Variants in TAF4B observed in about 807,000 individuals in gnomAD.
TAF4B encodes TATA-box binding protein associated factor 4b.
Under a neutral mutation model 86.4 loss-of-function variants are expected in TAF4B, and 38 were observed. That is an observed-to-expected ratio of 0.44 (90% CI 0.34 to 0.58). The LOEUF is 0.58. Ranked by LOEUF, TAF4B falls within the 20% of genes least tolerant of loss-of-function variation. TAF4B has a pLI of 0.02. For synonymous variants in TAF4B, 388 were observed against 391.2 expected (o/e 0.99, Z 0.10); for missense variants, 988 against 1,027.6 (o/e 0.96, Z 0.53).
chr18:26,344,787 G>A (rs2144712532), intron 13 of TAF4B, among the ~76,000 whole-genome samples: 1 of 150,666 alleles, frequency 6.6e-6, no homozygotes, highest in African/African-American at 2.4e-5. Context: ...GATAGGATTT[G>A]ACTAGAATGT....
At chr18:26,255,765 T>C (rs1197974588) in intron 1 of TAF4B, 4 of 1,562,254 alleles carry the variant, frequency 2.6e-6, no homozygotes, top group Non-Finnish European at 3.5e-6. Context: ...AGCTGCTTTC[T>C]TATTGCTGCA....
chr18:26,315,095 A>ACTCTCTCTCTCTCTCTCT lies in TAF4B; in HGVS notation c.1833-101_1833-84dup, dbSNP rs58691265. 1.9e-4 allele frequency: 41 copies of ACTCTCTCTCTCTCTCTCT among 220,332 alleles called. 3 individuals are homozygous for ACTCTCTCTCTCTCTCTCT. Among genetic ancestry groups the ACTCTCTCTCTCTCTCTCT allele is most frequent in the East Asian group, 7.6e-4 (8 of 10,524 alleles). The allele number at this position is 220,332 out of a possible 1,614,324, so 13.6% of individuals were successfully genotyped here. On this transcript the variant is annotated intron_variant, in intron 9 of 14. Transcript: ENST00000269142. ...ACCTCTAATTCTTTTGCTCTCTGAA[A>ACTCTCTCTCTCTCTCTCT]CTCTCTCTCTCTCTCTCTCTCTCTC...
intron 6 of TAF4B, 28 bp downstream of exon 6, chr18:26,282,088 T>G: frequency 6.6e-7 from 1 of 1,513,990 alleles, no homozygotes; most frequent in Non-Finnish European, 9.1e-7. Context: ...TTAGAAGAAA[T>G]AATTTGGATT....
In TAF4B at chr18:26,257,842, C is replaced by CATGT. The variant is rs1051472058; in HGVS notation, c.344-7328_344-7327insATGT. ...TTCATTTCTGGCTTTCCTCTGCGTG[C>CATGT]GTGTGTGTGTGTGTGTGTGTGTGTG... On this transcript the variant is annotated intron_variant, in intron 1 of 14. Coordinates refer to ENST00000269142, the MANE Select transcript of TAF4B (RefSeq NM_005640.3). Among the ~76,000 whole-genome samples the CATGT allele has an allele frequency of 3.6e-4, 51 of 141,530 alleles. No individual in the cohort carries two copies. In the South Asian group the frequency reaches 0.012, roughly 34 times the overall value. The allele number at this position is 141,530 out of a possible 152,430, so 92.8% of individuals were successfully genotyped here.
chr18:26,256,222 C>G, intron 1 of TAF4B: 1 of 1,599,078 alleles, frequency 6.3e-7, no homozygotes, highest in Non-Finnish European at 8.6e-7. Context: ...GAAGGAGTCT[C>G]ATGCAATCCA....
intron 9 of TAF4B, among the ~76,000 whole-genome samples, chr18:26,306,374 G>GCTT (rs1372619374): frequency 5.3e-5 from 8 of 152,040 alleles, no homozygotes; most frequent in Non-Finnish European, 1.0e-4. Flanking sequence ...ACATAAAGTA[G>GCTT]CTTCCACAGT....
intron 5 of TAF4B, among the ~76,000 whole-genome samples, chr18:26,278,899 A>G (rs1430833194): frequency 6.6e-6 from 1 of 152,054 alleles, no homozygotes; most frequent in Non-Finnish European, 1.5e-5. Flanking sequence ...CATTCTGAAA[A>G]TAGTCTTGCA....
chr18:26,276,490 T>G (rs1358618584), intron 5 of TAF4B, among the ~76,000 whole-genome samples: 1 of 152,204 alleles, frequency 6.6e-6, no homozygotes, highest in African/African-American at 2.4e-5. Context: ...TATCCCTTTT[T>G]CCAAGTATAA....
At chr18:26,242,171 T>A (rs534620869) in intron 1 of TAF4B, among the ~76,000 whole-genome samples, 222 of 152,344 alleles carry the variant, frequency 1.5e-3, no homozygotes, top group African/African-American at 5.1e-3. Context: ...ATCTGTCTAA[T>A]GTTGACAGTG....
At chr18:26,235,096 C>T (rs1266770821) in intron 1 of TAF4B, among the ~76,000 whole-genome samples, 8 of 152,058 alleles carry the variant, frequency 5.3e-5, no homozygotes, top group Non-Finnish European at 7.4e-5. Context: ...CTCTCTGTGG[C>T]GTATAAAGAG....
At chr18:26,365,311 A>ATTCTG (rs1567924266) in intron 14 of TAF4B, among the ~76,000 whole-genome samples, 1 of 152,122 alleles carries the variant, frequency 6.6e-6, no homozygotes, top group Non-Finnish European at 1.5e-5. Context: ...CTGGCCTATA[A>ATTCTG]TTCTGTTCTT....
At chr18:26,310,082 G>A (rs780356591) in intron 9 of TAF4B, among the ~76,000 whole-genome samples, 7 of 152,124 alleles carry the variant, frequency 4.6e-5, no homozygotes, top group African/African-American at 1.2e-4. Context: ...CTCGGGCTCC[G>A]AAAGTGTTGG....
At chr18:26,321,323 A>C (rs2056960979) in intron 11 of TAF4B, 123 bp downstream of exon 11, 1 of 970,926 alleles carries the variant, frequency 1.0e-6, no homozygotes, top group African/African-American at 1.6e-5. Flanking sequence ...TATTAGTGGA[A>C]AATCAAAGTC....
At chr18:26,318,356 CTT>C (rs367762394) in intron 10 of TAF4B, among the ~76,000 whole-genome samples, 2 of 144,448 alleles carry the variant, frequency 1.4e-5, no homozygotes, top group Admixed American at 6.9e-5. Context: ...ATTAGCTAAG[CTT>C]TTTTTTTTTT....
rs1291712894 is a variant in TAF4B, at chr18:26,391,303, T to C, written c.*1291T>C. 6.6e-6 allele frequency: 1 copy of C among 151,588 alleles called. No homozygotes were observed. The highest frequency in any genetic ancestry group is 1.5e-5 in the Non-Finnish European group (1 of 67,926). 9.4% of individuals were successfully genotyped at this position (151,588 alleles called of 1,614,324 possible). A position where few individuals can be genotyped will look rare whatever the true frequency, so the allele number is the denominator to read the frequency against. ...AGAATCACATACAGAAAAAAAATGA[T>C]TGAATCCTCCAAGAAGGTATTTCAA... On this transcript the variant is annotated 3_prime_UTR_variant, in exon 15 of 15. Coordinates refer to ENST00000269142, the MANE Select transcript of TAF4B (RefSeq NM_005640.3).
At chr18:26,349,462 A>AAAC (rs147855869) in intron 13 of TAF4B, among the ~76,000 whole-genome samples, 6 of 149,658 alleles carry the variant, frequency 4.0e-5, no homozygotes, top group African/African-American at 1.5e-4. Flanking sequence ...ACAAACAAAC[A>AAAC]AACAAACAAA....
At chr18:26,358,284 T>C (rs972817888) in intron 14 of TAF4B, among the ~76,000 whole-genome samples, 1 of 152,218 alleles carries the variant, frequency 6.6e-6, no homozygotes, top group South Asian at 2.1e-4. Flanking sequence ...TTATAAACTT[T>C]TTGAGCAAGG....
Position 26,227,135 on chromosome 18 carries a change from A to G in TAF4B, c.202A>G (p.Thr68Ala). The stretch of plus-strand genomic sequence containing the variant: ...CCAGCCCCTGCGGTCCCCCGTGGGG[A>G]CCCTGGTGACCAAAGTGGCTCCGGT... ...ASQPLRSPVGTLVTKVAPVSA... is the reference protein window; with the variant it reads ...ASQPLRSPVGALVTKVAPVSA... The change falls in exon 1 of 15, where the codon ACC becomes GCC. Residue 68 changes from threonine to alanine, a missense_variant. This residue lies in a region of TAF4B where 747 missense variants were observed against 737.9 expected (regional missense o/e 1.01). Transcript: ENST00000269142. The G allele has an allele frequency of 1.2e-6, 2 of 1,613,762 alleles. No homozygotes were observed. The highest frequency in any genetic ancestry group is 1.7e-6 in the Non-Finnish European group (2 of 1,179,878).
intron 12 of TAF4B, among the ~76,000 whole-genome samples, chr18:26,330,146 A>G (rs1253321299): frequency 1.3e-5 from 2 of 152,050 alleles, no homozygotes; most frequent in Non-Finnish European, 2.9e-5. Context: ...TAAATCAGCT[A>G]CCTCTGTCAT....
Sources: gnomAD v4.1 joint callset for allele counts (sites outside exome capture counted in the v4.1 genomes callset) on GRCh38, gnomAD v4.1.1 for gene constraint, gnomAD v4.1.1 regional missense constraint, MANE v1.5 for transcripts, NCBI Gene and HGNC (gene_info 2026-07-23, HGNC 2026-07-21) for gene names.